TMIE: variants seen among roughly 807,000 people sequenced by gnomAD.
TMIE encodes transmembrane inner ear, also known as transmembrane inner ear expressed protein.
A neutral mutation model predicts 16.8 loss-of-function variants in TMIE; 14 were observed. The ratio of observed to expected loss-of-function variants is 0.83; its 90% CI spans 0.55 to 1.30. TMIE has a LOEUF of 1.30. Ranked by LOEUF, TMIE falls within the 50% of genes most tolerant of loss-of-function variation. The pLI is 0.00. For missense variants in TMIE, 204 were observed against 205.9 expected, an observed-to-expected ratio of 0.99 and a Z score of 0.06; for synonymous variants, 75 against 87.2, an observed-to-expected ratio of 0.86 and a Z score of 0.78.
chr3:46,706,015 G>A (rs1700548633), intron 2 of TMIE, 108 bp downstream of exon 2: 1 of 1,165,472 alleles, frequency 8.6e-7, no homozygotes, highest in Non-Finnish European at 1.3e-6. Flanking sequence ...AGTAGGCCAG[G>A]CACCCGCAGG....
In TMIE at chr3:46,710,211, G is replaced by A. The variant is rs1700604430; in HGVS notation, c.*523G>A. ...CAGGGAGGAGCCCCAGTGGTGAGAA[G>A]ACTTCCCCAAGCCTGGCAGGGGATC... On this transcript the variant is annotated 3_prime_UTR_variant, in exon 4 of 4. Coordinates refer to ENST00000643606, the MANE Select transcript of TMIE (RefSeq NM_147196.3). The A allele has an allele frequency of 4.7e-6, 1 of 214,238 alleles. No homozygotes were observed. The highest frequency in any genetic ancestry group is 5.2e-5 in the Admixed American group (1 of 19,310). The allele number at this position is 214,238 out of a possible 1,614,324, so 13.3% of individuals were successfully genotyped here. A position where few individuals can be genotyped will look rare whatever the true frequency, so the allele number is the denominator to read the frequency against.
In TMIE at chr3:46,701,511, T is replaced by G. The variant is rs1700476095; in HGVS notation, c.24T>G (p.Gly8=). 1.5e-6 allele frequency: 2 copies of G among 1,338,176 alleles called. No homozygotes were observed. Among genetic ancestry groups the G allele is most frequent in the Non-Finnish European group, 1.9e-6 (2 of 1,049,140 alleles). The allele number at this position is 1,338,176 out of a possible 1,614,324, so 82.9% of individuals were successfully genotyped here. Residue 8 remains glycine (G), a synonymous_variant, in exon 1 of 4, where the codon GGT becomes GGG. Transcript: ENST00000643606. The surrounding 1 kb of genome is among the most constrained non-coding windows in gnomAD (Gnocchi z 4.3). The part of the protein sequence containing the change: MAGWPGA[G]PLCVLGGAAL... ...AGATGGCGGGGTGGCCGGGCGCGGG[T>G]CCCCTCTGCGTGCTGGGCGGCGCCG...
chr3:46,709,459 G>A (rs1700593042), intron 3 of TMIE, 120 bp from the exon 4 acceptor site: 1 of 1,607,752 alleles, frequency 6.2e-7, no homozygotes, highest in Non-Finnish European at 8.5e-7. Flanking sequence ...CTATTCTCCA[G>A]TAGGAAGAAG....
chr3:46,708,356 T>C (rs1028472644), intron 2 of TMIE, among the ~76,000 whole-genome samples: 1 of 152,174 alleles, frequency 6.6e-6, no homozygotes, highest in Non-Finnish European at 1.5e-5. Flanking sequence ...GGTCATCTGA[T>C]TTATAATAGG....
intron 1 of TMIE, among the ~76,000 whole-genome samples, chr3:46,704,660 G>A (rs71327088): frequency 0.39 from 46,652 of 119,100 alleles, 10,298 homozygotes; most frequent in Non-Finnish European, 0.5. Context: ...AGACACCCAG[G>A]GCCAGGGTCA....
chr3:46,706,841 C>T (rs528857768), intron 2 of TMIE, among the ~76,000 whole-genome samples: 1 of 152,240 alleles, frequency 6.6e-6, no homozygotes, highest in East Asian at 1.9e-4. Flanking sequence ...GCTGAGTGCA[C>T]CCTGGGTGGG....
chr3:46,705,152 A>G (rs373052955), intron 1 of TMIE, among the ~76,000 whole-genome samples: 1 of 152,138 alleles, frequency 6.6e-6, no homozygotes. Flanking sequence ...TGCTCTATTC[A>G]GGCTTGCTAC....
intron 2 of TMIE, 51 bp downstream of exon 2, chr3:46,705,958 A>G: frequency 6.4e-7 from 1 of 1,560,500 alleles, no homozygotes; most frequent in Non-Finnish European, 8.8e-7. Context: ...GGAACACAGC[A>G]CCCCCTGCCC....
In TMIE at chr3:46,709,589, GA is replaced by G; in HGVS notation, c.374del (p.Lys125ArgfsTer17). 1 of 590,606 alleles carries G rather than the reference GA, an allele frequency of 1.7e-6. No individual in the cohort carries two copies. The highest frequency in any genetic ancestry group is 4.3e-5 in the Admixed American group (1 of 23,134). The allele number at this position is 590,606 out of a possible 1,614,324, so 36.6% of individuals were successfully genotyped here. ...CCCCCTGCCCCACAGAGGATAAGAA[GA>G]AGAAGAAGAAGAAGAAGAAGGACAG... is the stretch of plus-strand genomic sequence containing the variant. ...LTEVPGEDKKKKKKKKKDSVD... is the reference protein window; with the variant it reads ...LTEVPGEDKKXKKKKKKDSVD... On this transcript the variant is annotated frameshift_variant, in exon 4 of 4. Transcript: ENST00000643606. LOFTEE classifies it high-confidence loss of function.
In TMIE at chr3:46,709,830, T is replaced by C; in HGVS notation, c.*142T>C. On this transcript the variant is annotated 3_prime_UTR_variant, in exon 4 of 4. Transcript: ENST00000643606. ...GCTGAGGCCCATGGCCACATCCTCA[T>C]GGCCCATCAGGGGCAGGAACCAGAC... 1 of 1,522,418 alleles carries C rather than the reference T, an allele frequency of 6.6e-7. No individual in the cohort carries two copies. The highest frequency in any genetic ancestry group is 1.4e-5 in the African/African-American group (1 of 72,710). The allele number at this position is 1,522,418 out of a possible 1,614,324, so 94.3% of individuals were successfully genotyped here.
upstream of TMIE, chr3:46,701,263 A>C: frequency 7.4e-5 from 24 of 323,526 alleles, no homozygotes; most frequent in East Asian, 2.0e-4. This position sits in a 1 kb window ranked among gnomAD's most constrained non-coding sequence, Gnocchi z 4.3. Flanking sequence ...GGGGGCAGGG[A>C]GGGGGAGCCT....
At chr3:46,701,317 A>C, upstream of TMIE, 2 of 498,648 alleles carry the variant, frequency 4.0e-6, no homozygotes. The surrounding 1 kb of genome is among the most constrained non-coding windows in gnomAD (Gnocchi z 4.3). Flanking sequence ...CCTCCACCGC[A>C]GCGATGGCGG....
chr3:46,703,524 C>A (rs1158479884), intron 1 of TMIE, among the ~76,000 whole-genome samples: 1 of 152,202 alleles, frequency 6.6e-6, no homozygotes, highest in African/African-American at 2.4e-5. Context: ...CACCCACATG[C>A]ATGCCAACCA....
At position 46,709,925 on chromosome 3, in the gene TMIE, C is replaced by T. The variant is rs565176545; in HGVS notation, c.*237C>T. ...CACCCCATCCACATGGGTACTGTCT[C>T]GGCAGAGGTGGTCTGGTGCCACCGT... On this transcript the variant is annotated 3_prime_UTR_variant, in exon 4 of 4. Coordinates refer to ENST00000643606, the MANE Select transcript of TMIE (RefSeq NM_147196.3). 12 of 725,088 alleles carry T rather than the reference C, an allele frequency of 1.7e-5. No individual in the cohort carries two copies. Among genetic ancestry groups the T allele is most frequent in the African/African-American group, 8.9e-5 (5 of 56,298 alleles). 44.9% of individuals were successfully genotyped at this position (725,088 alleles called of 1,614,324 possible).
Position 46,709,935 on chromosome 3 carries a change from G to A in TMIE, c.*247G>A. 1.5e-6 allele frequency: 1 copy of A among 650,796 alleles called. No individual in the cohort carries two copies. Among genetic ancestry groups the A allele is most frequent in the South Asian group, 1.9e-5 (1 of 52,134 alleles). 40.3% of individuals were successfully genotyped at this position (650,796 alleles called of 1,614,324 possible). On this transcript the variant is annotated 3_prime_UTR_variant, in exon 4 of 4. Coordinates refer to ENST00000643606, the MANE Select transcript of TMIE (RefSeq NM_147196.3). ...ACATGGGTACTGTCTCGGCAGAGGT[G>A]GTCTGGTGCCACCGTCCCTCTGCAG...
chr3:46,694,624 T>C (rs895989540), intron 1 of TMIE: 1 of 152,368 alleles, frequency 6.6e-6, no homozygotes, highest in Non-Finnish European at 1.5e-5. Context: ...TGGAGGTAAG[T>C]AGGGGCCTGG....
chr3:46,704,444 GGAC>G (rs1700519954), intron 1 of TMIE, among the ~76,000 whole-genome samples: 1 of 144,304 alleles, frequency 6.9e-6, no homozygotes. Flanking sequence ...ACCCAGGGCA[GGAC>G]CATGTCCCCT....
chr3:46,704,014 G>A (rs964011304), intron 1 of TMIE, among the ~76,000 whole-genome samples: 1 of 152,096 alleles, frequency 6.6e-6, no homozygotes, highest in Non-Finnish European at 1.5e-5. Flanking sequence ...ACAGACATGG[G>A]GTCATATCCA....
intron 2 of TMIE, 121 bp downstream of exon 2, chr3:46,706,028 AC>A: frequency 9.5e-7 from 1 of 1,049,590 alleles, no homozygotes; most frequent in South Asian, 1.3e-5. Context: ...CCCGCAGGAG[AC>A]CCGCGGTGGT....
Sources: allele counts gnomAD v4.1 joint callset (sites outside exome capture counted in the v4.1 genomes callset), GRCh38; gene constraint gnomAD v4.1.1; non-coding constraint Gnocchi (gnomAD v3.1); transcripts MANE v1.5; gene names NCBI Gene and HGNC (gene_info 2026-07-23, HGNC 2026-07-21).